The following EYS variants were observed in gnomAD, a reference collection of about 807,000 sequenced individuals.
The protein encoded by EYS is protein eyes shut homolog.
Under a neutral mutation model 282.1 loss-of-function variants are expected in EYS, and 250 were observed. The observed-to-expected ratio is 0.89, with a 90% CI of 0.80 to 0.98. The LOEUF is 0.98. Among genes scored for constraint, EYS ranks in the 50% least tolerant of loss-of-function variants. The pLI is 0.00. For missense variants in EYS, 4,016 were observed against 3,709.0 expected, an observed-to-expected ratio of 1.08 and a Z score of -2.15; for synonymous variants, 1,355 against 1,282.9, an observed-to-expected ratio of 1.06 and a Z score of -1.20.
chr6:65,023,136 C>CT (rs1772298615), intron 13 of EYS, among the ~76,000 whole-genome samples: 1 of 152,054 alleles, frequency 6.6e-6, no homozygotes, highest in African/African-American at 2.4e-5. Context: ...GAACTATTTA[C>CT]TTTCAGTAAA....
chr6:64,271,007 G>A (rs10214723), intron 30 of EYS, among the ~76,000 whole-genome samples: 104,429 of 151,988 alleles, frequency 0.69, 35,905 homozygotes, highest in South Asian at 0.71. Flanking sequence ...TCTCTAGGTC[G>A]CTCAGTTGAA....
intron 26 of EYS, among the ~76,000 whole-genome samples, chr6:64,470,112 G>A (rs1183101043): frequency 1.3e-5 from 2 of 151,800 alleles, no homozygotes; most frequent in Non-Finnish European, 1.5e-5. Flanking sequence ...AAATATCAGC[G>A]CAGCCTGGCA....
chr6:64,569,843 G>A (rs1229208674), intron 26 of EYS, among the ~76,000 whole-genome samples: 1 of 152,164 alleles, frequency 6.6e-6, no homozygotes, highest in African/African-American at 2.4e-5. Context: ...AAGTGAGGGG[G>A]AGAATGGAAC....
At chr6:65,632,118 A>T (rs796783449) in intron 2 of EYS, among the ~76,000 whole-genome samples, 10 of 152,310 alleles carry the variant, frequency 6.6e-5, no homozygotes, top group African/African-American at 1.9e-4. Flanking sequence ...ACCAAAAAAA[A>T]ATCCTGAAAG....
chr6:65,199,213 G>A (rs538406382), intron 12 of EYS, among the ~76,000 whole-genome samples: 89 of 152,116 alleles, frequency 5.9e-4, no homozygotes, highest in African/African-American at 1.8e-3. Flanking sequence ...TATCCTTTTA[G>A]CATATAATAT....
intron 26 of EYS, among the ~76,000 whole-genome samples, chr6:64,579,027 A>G (rs1236918482): frequency 6.6e-6 from 1 of 152,144 alleles, no homozygotes; most frequent in Non-Finnish European, 1.5e-5. Context: ...AGTGACTTAC[A>G]TTAGTAAACA....
chr6:65,572,647 T>C (rs1050841991), intron 2 of EYS, among the ~76,000 whole-genome samples: 5 of 152,126 alleles, frequency 3.3e-5, no homozygotes, highest in Admixed American at 3.3e-4. Context: ...CGATACCATG[T>C]AGTCTAGGTA....
At chr6:65,101,950 T>C (rs1774905457) in intron 12 of EYS, among the ~76,000 whole-genome samples, 1 of 151,286 alleles carries the variant, frequency 6.6e-6, no homozygotes, top group Non-Finnish European at 1.5e-5. Context: ...GAAATTCTTA[T>C]GAACTTGAAA....
intron 31 of EYS, among the ~76,000 whole-genome samples, chr6:64,183,236 G>T (rs1764839996): frequency 6.6e-6 from 1 of 152,126 alleles, no homozygotes; most frequent in Non-Finnish European, 1.5e-5. Context: ...GGAACTGTGA[G>T]TTAATTGAAC....
At chr6:63,912,479 T>A (rs927521012) in intron 35 of EYS, among the ~76,000 whole-genome samples, 4 of 152,216 alleles carry the variant, frequency 2.6e-5, no homozygotes, top group African/African-American at 9.6e-5. Context: ...CTGTTAATGA[T>A]ATATTTTACT....
chr6:65,685,140 G>A (rs936869259), intron 1 of EYS, among the ~76,000 whole-genome samples: 2 of 151,994 alleles, frequency 1.3e-5, no homozygotes, highest in Admixed American at 6.6e-5. Context: ...CACTCTATAA[G>A]GGCATAGCCT....
At chr6:64,095,008 T>G (rs913458456) in intron 31 of EYS, among the ~76,000 whole-genome samples, 3 of 152,230 alleles carry the variant, frequency 2.0e-5, no homozygotes, top group Non-Finnish European at 4.4e-5. Flanking sequence ...CATTTCATTA[T>G]GTACCCAGTA....
At chr6:65,126,239 A>C (rs2150199348) in intron 12 of EYS, among the ~76,000 whole-genome samples, 1 of 152,234 alleles carries the variant, frequency 6.6e-6, no homozygotes, top group African/African-American at 2.4e-5. Flanking sequence ...CTCTTCTTTA[A>C]GGCTTAAATC....
At chr6:63,843,570 C>T (rs1047709991) in intron 36 of EYS, among the ~76,000 whole-genome samples, 3 of 152,114 alleles carry the variant, frequency 2.0e-5, no homozygotes, top group African/African-American at 7.2e-5. Context: ...GCTAAAAACA[C>T]TCAATAAACT....
intron 5 of EYS, among the ~76,000 whole-genome samples, chr6:65,485,698 G>A (rs955841076): frequency 1.3e-5 from 2 of 152,130 alleles, no homozygotes; most frequent in Non-Finnish European, 1.5e-5. Context: ...CAAGCTACTT[G>A]GGAGCGTAAG....
chr6:64,664,270 G>A (rs1395973532), intron 22 of EYS, among the ~76,000 whole-genome samples: 1 of 152,192 alleles, frequency 6.6e-6, no homozygotes, highest in African/African-American at 2.4e-5. Context: ...CTTCCCCTGT[G>A]CTCTCAGATG....
intron 22 of EYS, among the ~76,000 whole-genome samples, chr6:64,659,407 GA>G (rs1238372592): frequency 5.9e-5 from 9 of 152,006 alleles, no homozygotes; most frequent in African/African-American, 2.2e-4. Context: ...GAAGGAAATA[GA>G]GACACAAAAA....
At chr6:64,820,917 C>T (rs1177870393) in intron 21 of EYS, among the ~76,000 whole-genome samples, 1 of 151,902 alleles carries the variant, frequency 6.6e-6, no homozygotes, top group African/African-American at 2.4e-5. Context: ...GAGAGAGACA[C>T]AAAGAATGTA....
At chr6:64,931,578 A>T (rs1050190811) in intron 15 of EYS, among the ~76,000 whole-genome samples, 1 of 152,146 alleles carries the variant, frequency 6.6e-6, no homozygotes, top group African/African-American at 2.4e-5. Flanking sequence ...GATTAAAAAG[A>T]TTCATCATTT....
Sources: gnomAD v4.1 joint callset for allele counts (sites outside exome capture counted in the v4.1 genomes callset) on GRCh38, gnomAD v4.1.1 for gene constraint, MANE v1.5 for transcripts, NCBI Gene and HGNC (gene_info 2026-07-23, HGNC 2026-07-21) for gene names.